Variants in KLF12 observed in about 807,000 individuals in gnomAD.
The protein encoded by KLF12 is Krueppel-like factor 12.
In KLF12, 9 loss-of-function variants were observed where a neutral mutation model predicts 37.8. The observed-to-expected ratio is 0.24, with a 90% CI of 0.14 to 0.42. The LOEUF (loss-of-function observed/expected upper bound fraction) is 0.42, where lower values mean the gene tolerates loss of function less well. Ranked by LOEUF, KLF12 falls within the 10% of genes least tolerant of loss-of-function variation. The probability of loss-of-function intolerance (pLI) is 1.00; values close to 1 mark genes in which losing one functional copy is unlikely to be tolerated. For synonymous variants in KLF12, 208 were observed against 202.1 expected, an observed-to-expected ratio of 1.03 and a Z score of -0.25; for missense variants, 411 against 516.0, an observed-to-expected ratio of 0.80 and a Z score of 1.97.
At chr13:73,883,376 A>C (rs1887071550) in intron 3 of KLF12, among the ~76,000 whole-genome samples, 1 of 152,182 alleles carries the variant, frequency 6.6e-6, no homozygotes, top group South Asian at 2.1e-4. Context: ...GATAAATTTA[A>C]ATGTCCTTGC....
At chr13:74,168,101 A>G in the KLF12 span, among the ~76,000 whole-genome samples, 2 of 152,232 alleles carry the variant, frequency 1.3e-5, no homozygotes, top group Non-Finnish European at 2.9e-5. Context: ...TGAGGTAACT[A>G]TCATTATATG....
the KLF12 span, among the ~76,000 whole-genome samples, chr13:74,144,126 C>T: frequency 2.1e-3 from 326 of 152,232 alleles, 2 homozygotes; most frequent in East Asian, 8.1e-3. Flanking sequence ...TAGAAAACTG[C>T]CTAGCATGTA....
the KLF12 span, among the ~76,000 whole-genome samples, chr13:74,294,838 TA>T: frequency 6.6e-6 from 1 of 152,170 alleles, no homozygotes; most frequent in African/African-American, 2.4e-5. Flanking sequence ...AAAGCAGTAA[TA>T]ACCTCCGATT....
intron 2 of KLF12, among the ~76,000 whole-genome samples, chr13:73,946,161 T>C (rs1206352152): frequency 6.6e-6 from 1 of 152,098 alleles, no homozygotes; most frequent in African/African-American, 2.4e-5. Flanking sequence ...TGAGCTGATA[T>C]TGCTTCCTAC....
chr13:73,977,851 G>A (rs1400129200), intron 2 of KLF12, among the ~76,000 whole-genome samples: 3 of 152,184 alleles, frequency 2.0e-5, no homozygotes, highest in Admixed American at 6.5e-5. Context: ...ACAAAGGTGC[G>A]AAGGCAATAA....
intron 1 of KLF12, among the ~76,000 whole-genome samples, chr13:74,038,477 G>A (rs1893316402): frequency 6.6e-6 from 1 of 152,148 alleles, no homozygotes; most frequent in Non-Finnish European, 1.5e-5. Context: ...AAGCAGTGCA[G>A]GAGGGAAGAG....
intron 2 of KLF12, among the ~76,000 whole-genome samples, chr13:73,990,523 A>T (rs1891939008): frequency 6.6e-6 from 1 of 152,200 alleles, no homozygotes; most frequent in African/African-American, 2.4e-5. Context: ...TGATAATTAC[A>T]ATTAAGAATC....
At chr13:73,899,246 A>C (rs1887929079) in intron 3 of KLF12, among the ~76,000 whole-genome samples, 1 of 152,210 alleles carries the variant, frequency 6.6e-6, no homozygotes, top group East Asian at 1.9e-4. Context: ...ACACCACATC[A>C]CTAAGGCCAC....
upstream of KLF12, among the ~76,000 whole-genome samples, chr13:74,134,063 G>A (rs1485377033): frequency 6.7e-6 from 1 of 149,678 alleles, no homozygotes; most frequent in Admixed American, 6.7e-5. Context: ...GCCTCGCCAG[G>A]CCCGCATCGA....
At chr13:74,238,410 T>A in the KLF12 span, among the ~76,000 whole-genome samples, 1 of 138,042 alleles carries the variant, frequency 7.2e-6, no homozygotes, top group African/African-American at 3.4e-5. Flanking sequence ...TCTTTTTTGG[T>A]TGTGTCTCTG....
intron 1 of KLF12, among the ~76,000 whole-genome samples, chr13:74,098,518 T>C (rs138150671): frequency 1.6e-3 from 246 of 152,340 alleles, no homozygotes; most frequent in African/African-American, 5.6e-3. Context: ...AAGGTCACTT[T>C]ACCTTTATCT....
intron 1 of KLF12, among the ~76,000 whole-genome samples, chr13:74,133,488 CCTT>C (rs947435846): frequency 3.3e-5 from 5 of 152,100 alleles, no homozygotes; most frequent in South Asian, 2.1e-4. Context: ...GAAGAAACCT[CCTT>C]CTTTCTTCTC....
the KLF12 span, among the ~76,000 whole-genome samples, chr13:74,305,685 A>G: frequency 3.3e-5 from 5 of 152,206 alleles, no homozygotes; most frequent in African/African-American, 9.6e-5. Context: ...ATATCTCTCT[A>G]GTAAAACTTG....
intron 7 of KLF12, among the ~76,000 whole-genome samples, chr13:73,710,686 TG>T (rs1156311867): frequency 6.6e-6 from 1 of 152,232 alleles, no homozygotes; most frequent in East Asian, 1.9e-4. Context: ...ACTGCATCAC[TG>T]ACCAGCTGCT....
chr13:74,226,198 G>A, the KLF12 span, among the ~76,000 whole-genome samples: 2 of 152,126 alleles, frequency 1.3e-5, no homozygotes, highest in African/African-American at 4.8e-5. Flanking sequence ...TAATAATCCA[G>A]GTGAGAATTG....
At chr13:73,741,306 G>C (rs904093424) in intron 6 of KLF12, among the ~76,000 whole-genome samples, 1 of 152,092 alleles carries the variant, frequency 6.6e-6, no homozygotes, top group East Asian at 1.9e-4. Context: ...CCCCATACAA[G>C]GGAGCCTGCC....
intron 4 of KLF12, among the ~76,000 whole-genome samples, chr13:73,833,662 C>T (rs1431543155): frequency 3.9e-5 from 6 of 152,134 alleles, no homozygotes; most frequent in Non-Finnish European, 7.4e-5. Context: ...GGCATTTGAG[C>T]CAGATCTTTT....
the KLF12 span, among the ~76,000 whole-genome samples, chr13:74,287,680 C>A: frequency 5.9e-5 from 9 of 152,160 alleles, no homozygotes; most frequent in African/African-American, 1.7e-4. Context: ...GGCAATTACA[C>A]CCCTGCTTCG....
At chr13:74,266,107 C>T in the KLF12 span, among the ~76,000 whole-genome samples, 5 of 152,184 alleles carry the variant, frequency 3.3e-5, no homozygotes, top group Non-Finnish European at 4.4e-5. Context: ...TCCTGGCAAT[C>T]AGTCCAGGCT....
Sources: gnomAD v4.1 joint callset for allele counts (sites outside exome capture counted in the v4.1 genomes callset) on GRCh38, gnomAD v4.1.1 for gene constraint, MANE v1.5 for transcripts, NCBI Gene and HGNC (gene_info 2026-07-23, HGNC 2026-07-21) for gene names.